VAV3: variants seen among roughly 807,000 people sequenced by gnomAD.
VAV3 encodes vav guanine nucleotide exchange factor 3, also known as guanine nucleotide exchange factor VAV3.
Under a neutral mutation model 131.2 loss-of-function variants are expected in VAV3, and 94 were observed. The ratio of observed to expected loss-of-function variants is 0.72; its 90% CI spans 0.61 to 0.85. The LOEUF is 0.85. Among genes scored for constraint, VAV3 ranks in the 40% least tolerant of loss-of-function variants. The pLI is 0.00. For synonymous variants in VAV3, 349 were observed against 342.0 expected (o/e 1.02, Z -0.22); for missense variants, 939 against 1,002.7 (o/e 0.94, Z 0.86).
At chr1:107,866,016 G>GT in intron 2 of VAV3, among the ~76,000 whole-genome samples, 1 of 152,244 alleles carries the variant, frequency 6.6e-6, no homozygotes, top group South Asian at 2.1e-4. Context: ...TAAACACACT[G>GT]TGTGTGCTCA....
chr1:107,760,983 T>C, intron 9 of VAV3, 104 bp from the exon 10 acceptor site: 1 of 639,858 alleles, frequency 1.6e-6, no homozygotes, highest in Non-Finnish European at 2.6e-6. Flanking sequence ...GTGCGTTTGT[T>C]TCCTTAACAA....
chr1:107,933,214 G>A (rs114308339), intron 1 of VAV3, among the ~76,000 whole-genome samples: 1 of 151,004 alleles, frequency 6.6e-6, no homozygotes, highest in Non-Finnish European at 1.5e-5. Flanking sequence ...GTCTTGTTTT[G>A]CTTACAATAC....
chr1:107,899,771 C>G (rs1426056722), intron 1 of VAV3, among the ~76,000 whole-genome samples: 1 of 152,082 alleles, frequency 6.6e-6, no homozygotes, highest in Non-Finnish European at 1.5e-5. Context: ...AGTAACATGC[C>G]TAAAGCCAAA....
intron 2 of VAV3, among the ~76,000 whole-genome samples, chr1:107,863,466 A>G (rs1349239805): frequency 1.3e-5 from 2 of 152,144 alleles, no homozygotes; most frequent in East Asian, 3.9e-4. Context: ...AAAAGTACTC[A>G]CTGGCCCTTT....
At chr1:107,844,873 C>T (rs536482310) in intron 2 of VAV3, among the ~76,000 whole-genome samples, 2 of 152,294 alleles carry the variant, frequency 1.3e-5, no homozygotes, top group East Asian at 1.9e-4. Flanking sequence ...CAGCTGTGGA[C>T]GCAGCTTCAG....
intron 21 of VAV3, among the ~76,000 whole-genome samples, chr1:107,612,924 G>A (rs1652864392): frequency 6.6e-6 from 1 of 152,106 alleles, no homozygotes; most frequent in Non-Finnish European, 1.5e-5. Context: ...CTTTGAGCTA[G>A]CCATAAAACA....
intron 2 of VAV3, among the ~76,000 whole-genome samples, chr1:107,835,552 T>C (rs547883868): frequency 6.6e-5 from 10 of 152,288 alleles, no homozygotes; most frequent in Non-Finnish European, 1.5e-5. Context: ...AGCTGCAGCC[T>C]CTGCCCAATG....
At chr1:107,831,080 G>A (rs1668227549) in intron 2 of VAV3, among the ~76,000 whole-genome samples, 1 of 151,942 alleles carries the variant, frequency 6.6e-6, no homozygotes, top group Admixed American at 6.6e-5. Context: ...TTAGATTCCA[G>A]ATTTTCTATT....
In VAV3 at chr1:107,892,616, A is replaced by AC. The variant is rs935925850; in HGVS notation, c.205-17600dup. Among the ~76,000 whole-genome samples the AC allele has an allele frequency of 1.1e-4, 4 of 36,436 alleles. No homozygotes were observed. In the African/African-American group the frequency reaches 1.3e-3, roughly 12 times the overall value. 23.9% of individuals were successfully genotyped at this position (36,436 alleles called of 152,430 possible). ...TTAGGCAAAAACCAAAAAATTAGTT[A>AC]CAAAAAAAAATGATGTGGACTCCTC... On this transcript the variant is annotated intron_variant, in intron 1 of 26. Transcript: ENST00000370056.
chr1:107,842,433 G>A (rs773026861), intron 2 of VAV3, among the ~76,000 whole-genome samples: 73 of 152,296 alleles, frequency 4.8e-4, no homozygotes, highest in Admixed American at 9.2e-4. Context: ...TGTTTCAGGT[G>A]TGTCTCTTAT....
At chr1:107,815,895 T>TG (rs1409589907) in intron 2 of VAV3, among the ~76,000 whole-genome samples, 4 of 152,080 alleles carry the variant, frequency 2.6e-5, no homozygotes, top group East Asian at 3.9e-4. Flanking sequence ...GGAGGGGGCA[T>TG]GGGGGGATGG....
intron 25 of VAV3, among the ~76,000 whole-genome samples, chr1:107,595,900 T>C (rs568330470): frequency 2.7e-4 from 41 of 152,320 alleles, no homozygotes; most frequent in Admixed American, 4.6e-4. Flanking sequence ...ACATTACATG[T>C]AAGTTAAAAA....
At chr1:107,655,586 C>G (rs1180530207) in intron 19 of VAV3, among the ~76,000 whole-genome samples, 1 of 152,008 alleles carries the variant, frequency 6.6e-6, no homozygotes, top group African/African-American at 2.4e-5. Flanking sequence ...TGTAAGACCT[C>G]AAAAGCAAAG....
chr1:107,617,214 C>T (rs1369876921), intron 21 of VAV3, among the ~76,000 whole-genome samples: 1 of 151,940 alleles, frequency 6.6e-6, no homozygotes, highest in East Asian at 1.9e-4. Flanking sequence ...GTAATATCGC[C>T]CTGTAACCCA....
At chr1:107,807,689 C>A (rs1184910131) in intron 2 of VAV3, among the ~76,000 whole-genome samples, 1 of 152,230 alleles carries the variant, frequency 6.6e-6, no homozygotes, top group East Asian at 1.9e-4. Flanking sequence ...CTCAGCTTTG[C>A]AAACATCTGA....
chr1:107,698,901 T>G (rs1659909871), intron 17 of VAV3, among the ~76,000 whole-genome samples: 1 of 152,188 alleles, frequency 6.6e-6, no homozygotes, highest in East Asian at 1.9e-4. Flanking sequence ...TTCACTATCA[T>G]GAGAACAGCA....
At chr1:107,601,238 CAG>C (rs1277754419) in intron 24 of VAV3, among the ~76,000 whole-genome samples, 1 of 152,134 alleles carries the variant, frequency 6.6e-6, no homozygotes, top group Non-Finnish European at 1.5e-5. Context: ...ACAAATTTGA[CAG>C]AGTTTACATT....
At chr1:107,660,984 A>G (rs1405212802) in intron 19 of VAV3, among the ~76,000 whole-genome samples, 1 of 152,162 alleles carries the variant, frequency 6.6e-6, no homozygotes, top group Non-Finnish European at 1.5e-5. Flanking sequence ...TGTATACAAG[A>G]TGACCTCATT....
intron 1 of VAV3, among the ~76,000 whole-genome samples, chr1:107,895,479 C>T (rs1445788738): frequency 6.6e-6 from 1 of 152,140 alleles, no homozygotes; most frequent in Non-Finnish European, 1.5e-5. Context: ...ACAGCTACCC[C>T]CATTTTACAG....
Sources: allele counts gnomAD v4.1 joint callset (sites outside exome capture counted in the v4.1 genomes callset), GRCh38; gene constraint gnomAD v4.1.1; transcripts MANE v1.5; gene names NCBI Gene and HGNC (gene_info 2026-07-23, HGNC 2026-07-21).